Variants in SIRPA observed in about 807,000 individuals in gnomAD.
SIRPA encodes signal regulatory protein alpha, also known as tyrosine-protein phosphatase non-receptor type substrate 1.
In SIRPA, 9 loss-of-function variants were observed where a neutral mutation model predicts 50.3. That is an observed-to-expected ratio of 0.18 (90% confidence interval 0.11 to 0.31). The LOEUF (loss-of-function observed/expected upper bound fraction) is 0.31. SIRPA is among the 10% of genes least tolerant of loss of function. SIRPA has a pLI of 1.00. For missense variants in SIRPA, 474 were observed against 661.6 expected (o/e 0.72, Z 3.11); for synonymous variants, 265 against 284.1 (o/e 0.93, Z 0.68).
intron 1 of SIRPA, among the ~76,000 whole-genome samples, chr20:1,910,771 G>A (rs888274483): frequency 6.6e-6 from 1 of 151,988 alleles, no homozygotes; most frequent in Non-Finnish European, 1.5e-5. Context: ...AGTAGGAGGG[G>A]AAAAAAAGAG....
Position 1,934,679 on chromosome 20 carries a change from AG to A in SIRPA, c.1227-33del. 1 of 1,608,568 alleles carries A rather than the reference AG, an allele frequency of 6.2e-7. No individual in the cohort carries two copies. Among genetic ancestry groups the A allele is most frequent in the Non-Finnish European group, 8.5e-7 (1 of 1,175,126 alleles). On this transcript the variant is annotated intron_variant, in intron 6 of 7. Coordinates refer to ENST00000358771, the MANE Select transcript of SIRPA (RefSeq NM_001040023.2). This position sits in a 1 kb window ranked among gnomAD's most constrained non-coding sequence, Gnocchi z 4.6. Reference sequence around the variant, plus strand: ...GTTTGCATGAGCACTTGAGATAGTGAGGGTATTTTTATCTGTGTGTCTCTTT... The same window carrying A: ...GTTTGCATGAGCACTTGAGATAGTGAGGTATTTTTATCTGTGTGTCTCTTT...
chr20:1,905,014 G>A (rs374286215), intron 1 of SIRPA, among the ~76,000 whole-genome samples: 2 of 152,120 alleles, frequency 1.3e-5, no homozygotes, highest in African/African-American at 2.4e-5. Context: ...AAATGGAACC[G>A]CTAACACTGT....
chr20:1,899,611 C>T (rs1224424353), intron 1 of SIRPA, among the ~76,000 whole-genome samples: 1 of 152,176 alleles, frequency 6.6e-6, no homozygotes, highest in Non-Finnish European at 1.5e-5. Flanking sequence ...CCTGTACCTC[C>T]TTGTCTTCCT....
chr20:1,910,032 A>G (rs1479359419), intron 1 of SIRPA, among the ~76,000 whole-genome samples: 2 of 152,162 alleles, frequency 1.3e-5, no homozygotes, highest in Non-Finnish European at 2.9e-5. Flanking sequence ...GGTCACAGGA[A>G]GGGGCCGGGA....
chr20:1,929,324 T>C (rs546541390), intron 6 of SIRPA, among the ~76,000 whole-genome samples: 16 of 151,800 alleles, frequency 1.1e-4, no homozygotes, highest in Admixed American at 6.6e-4. Flanking sequence ...ACCAAAGTGG[T>C]GGGATGGGCT....
chr20:1,922,246 G>A (rs887417961), intron 3 of SIRPA, 67 bp from the exon 4 acceptor site: 9 of 1,599,922 alleles, frequency 5.6e-6, no homozygotes, highest in Admixed American at 1.7e-5. Flanking sequence ...GGGGAGCTAC[G>A]TTATGGAGCC....
intron 1 of SIRPA, among the ~76,000 whole-genome samples, chr20:1,899,892 G>A (rs909530698): frequency 2.6e-5 from 4 of 152,190 alleles, no homozygotes; most frequent in Non-Finnish European, 5.9e-5. Flanking sequence ...GCCATGCCTT[G>A]TATGTAGTAA....
Position 1,936,252 on chromosome 20 carries a change from A to G in SIRPA, c.1267-1068A>G, listed in dbSNP as rs534343724. Among the ~76,000 whole-genome samples, 5 of 152,342 alleles carry G rather than the reference A, an allele frequency of 3.3e-5. No homozygotes were observed. In the South Asian group the frequency reaches 1.0e-3, roughly 32 times the overall value. On this transcript the variant is annotated intron_variant, in intron 7 of 7. Transcript: ENST00000358771. The surrounding 1 kb of genome is among the most constrained non-coding windows in gnomAD (Gnocchi z 4.2). ...TCATGATGGGCGCTTTTGAGGCGGC[A>G]GTGGCAGGTTGATAGGATTAGCACA... is the stretch of plus-strand genomic sequence containing the variant.
rs1986041930 is a variant in SIRPA at position 1,927,349 on chromosome 20, G to A, written c.1202-526G>A. Among the ~76,000 whole-genome samples the A allele has an allele frequency of 6.6e-6, 1 of 152,120 alleles. No individual in the cohort carries two copies. On this transcript the variant is annotated intron_variant, in intron 5 of 7. Coordinates refer to ENST00000358771, the MANE Select transcript of SIRPA (RefSeq NM_001040023.2). This position sits in a 1 kb window ranked among gnomAD's most constrained non-coding sequence, Gnocchi z 6.5. ...TTCCAAGATCCTTTTTTTGGAAAGTGGTGGCATGTAAATAAATGGATGCTC... is the reference window on the plus strand; with the variant it reads ...TTCCAAGATCCTTTTTTTGGAAAGTAGTGGCATGTAAATAAATGGATGCTC...
intron 1 of SIRPA, among the ~76,000 whole-genome samples, chr20:1,913,186 AC>A (rs1170129458): frequency 6.6e-6 from 1 of 152,202 alleles, no homozygotes; most frequent in Non-Finnish European, 1.5e-5. Context: ...TAATATTTAC[AC>A]CCAAAGCAGG....
rs1384750603 is a variant in SIRPA, at chr20:1,928,502, C to G, written c.1226+603C>G. The stretch of plus-strand genomic sequence containing the variant: ...GACCAGCTGGTGATATAGCAGTAAA[C>G]AAGAATCAGCCCAGGCTTTCATGGG... On this transcript the variant is annotated intron_variant, in intron 6 of 7. Coordinates refer to ENST00000358771, the MANE Select transcript of SIRPA (RefSeq NM_001040023.2). This position sits in a 1 kb window ranked among gnomAD's most constrained non-coding sequence, Gnocchi z 4.9. 2.0e-5 allele frequency among the ~76,000 whole-genome samples: 3 copies of G among 152,160 alleles called. No homozygotes were observed. The South Asian group carries it at 6.2e-4, about 32-fold the overall frequency.
At chr20:1,923,844 AC>A (rs1985810068) in intron 4 of SIRPA, among the ~76,000 whole-genome samples, 1 of 151,900 alleles carries the variant, frequency 6.6e-6, no homozygotes, top group South Asian at 2.1e-4. Flanking sequence ...GAGCTTCATG[AC>A]CCCTCAGCTC....
chr20:1,940,335 A>C lies in SIRPA; in HGVS notation c.*2767A>C, dbSNP rs1164150235. ...TCTTTCCTTCCTGCCCTGACCCTGC[A>C]TAGCTGAGTCTCGTGGCCTCTCACC... On this transcript the variant is annotated 3_prime_UTR_variant, in exon 8 of 8. Transcript: ENST00000358771. 6.6e-6 allele frequency: 1 copy of C among 152,210 alleles called. No individual in the cohort carries two copies. Among genetic ancestry groups the C allele is most frequent in the Non-Finnish European group, 1.5e-5 (1 of 68,056 alleles). 9.4% of individuals were successfully genotyped at this position (152,210 alleles called of 1,614,324 possible).
At chr20:1,900,825 T>C (rs1441164292) in intron 1 of SIRPA, among the ~76,000 whole-genome samples, 2 of 152,236 alleles carry the variant, frequency 1.3e-5, no homozygotes, top group African/African-American at 2.4e-5. Flanking sequence ...CCATCTGGGT[T>C]CTCTGCTTCC....
intron 1 of SIRPA, among the ~76,000 whole-genome samples, chr20:1,896,786 C>T (rs1319882407): frequency 6.6e-6 from 1 of 150,882 alleles, no homozygotes; most frequent in Non-Finnish European, 1.5e-5. Context: ...CCCACCCCAC[C>T]CTCCACCCCC....
Position 1,922,761 on chromosome 20 carries a change from A to G in SIRPA, c.1087+116A>G, listed in dbSNP as rs1021591079. 14 of 1,247,176 alleles carry G rather than the reference A, an allele frequency of 1.1e-5. No homozygotes were observed. The East Asian group carries it at 3.6e-4, about 32-fold the overall frequency. 77.3% of individuals were successfully genotyped at this position (1,247,176 alleles called of 1,614,324 possible). The stretch of plus-strand genomic sequence containing the variant: ...TAGAACAATCTAGAAGTCTATAAAT[A>G]TAAAGTAGAATTTTAATGTCAGCTC... On this transcript the variant is annotated intron_variant, in intron 4 of 7. Coordinates refer to ENST00000358771, the MANE Select transcript of SIRPA (RefSeq NM_001040023.2).
chr20:1,929,425 T>G (rs1986175461), intron 6 of SIRPA, among the ~76,000 whole-genome samples: 1 of 151,984 alleles, frequency 6.6e-6, no homozygotes, highest in South Asian at 2.1e-4. Context: ...CACCTCAAGG[T>G]TGGGGGCAGT....
In SIRPA at chr20:1,896,396, T is replaced by A. The variant is rs993197610; in HGVS notation, c.79+870T>A. ...AAAGGGTGAGGTCACCATTCAGGAG[T>A]CTTGCTTCTTAAATGGGTTTTGCAA... On this transcript the variant is annotated intron_variant, in intron 1 of 7. Coordinates refer to ENST00000358771, the MANE Select transcript of SIRPA (RefSeq NM_001040023.2). Among the ~76,000 whole-genome samples, 5 of 135,208 alleles carry A rather than the reference T, an allele frequency of 3.7e-5. No homozygotes were observed. The Admixed American group carries it at 3.9e-4, about 11-fold the overall frequency. The allele number at this position is 135,208 out of a possible 152,430, so 88.7% of individuals were successfully genotyped here. A position where few individuals can be genotyped will look rare whatever the true frequency, so the allele number is the denominator to read the frequency against.
upstream of SIRPA, chr20:1,894,224 C>T (rs1040445589): frequency 1.3e-5 from 2 of 152,242 alleles, no homozygotes; most frequent in African/African-American, 2.4e-5. This position sits in a 1 kb window ranked among gnomAD's most constrained non-coding sequence, Gnocchi z 4.0. Context: ...GAGGCACGAC[C>T]TCCTGGGGAG....
Sources: allele counts gnomAD v4.1 joint callset (sites outside exome capture counted in the v4.1 genomes callset), GRCh38; gene constraint gnomAD v4.1.1; non-coding constraint Gnocchi (gnomAD v3.1); transcripts MANE v1.5; gene names NCBI Gene and HGNC (gene_info 2026-07-23, HGNC 2026-07-21).